The following RAB21 variants were observed in gnomAD, a reference collection of about 807,000 sequenced individuals.
RAB21 encodes the protein ras-related protein Rab-21.
Under a neutral mutation model 33.1 loss-of-function variants are expected in RAB21, and 13 were observed. The observed-to-expected ratio is 0.39, with a 90% CI of 0.26 to 0.62. The LOEUF is 0.62. RAB21 is among the 20% of genes least tolerant of loss of function. RAB21 has a pLI of 0.48. For missense variants in RAB21, 234 were observed against 279.1 expected (o/e 0.84, Z 1.15); for synonymous variants, 91 against 103.7 (o/e 0.88, Z 0.74).
At chr12:71,770,804 A>C in intron 3 of RAB21, 105 bp downstream of exon 3, 1 of 768,154 alleles carries the variant, frequency 1.3e-6, no homozygotes, top group Non-Finnish European at 2.1e-6. Context: ...TTTTAAAAAT[A>C]AAGTATATAA....
intron 1 of RAB21, among the ~76,000 whole-genome samples, chr12:71,768,932 C>CGT (rs60960317): frequency 2.4e-4 from 36 of 151,532 alleles, no homozygotes; most frequent in Middle Eastern, 3.5e-3. Context: ...GTATACTTGA[C>CGT]GTGTGTGTGT....
Position 71,782,023 on chromosome 12 carries a change from C to A in RAB21, c.392-8C>A. On this transcript the variant is annotated splice_polypyrimidine_tract_variant and splice_region_variant and intron_variant, in intron 4 of 6. Transcript: ENST00000261263. The stretch of plus-strand genomic sequence containing the variant: ...TATAAAGATAAATATTTACTTTTTT[C>A]AAAATAGGTAATAAAATAGACTTGG... The A allele has an allele frequency of 1.3e-6, 2 of 1,580,460 alleles. No homozygotes were observed. Among genetic ancestry groups the A allele is most frequent in the Non-Finnish European group, 1.7e-6 (2 of 1,153,062 alleles).
rs891224567 is a variant in RAB21 at position 71,755,099 on chromosome 12, A to C, written c.-31A>C. The C allele has an allele frequency of 9.0e-7, 1 of 1,107,372 alleles. No homozygotes were observed. The highest frequency in any genetic ancestry group is 1.7e-5 in the African/African-American group (1 of 59,600). The allele number at this position is 1,107,372 out of a possible 1,614,324, so 68.6% of individuals were successfully genotyped here. A position where few individuals can be genotyped will look rare whatever the true frequency, so the allele number is the denominator to read the frequency against. ...GCGGCTGTCGGGAGGGCGGCGCGAC[A>C]CTCGGGCTCGGGCGGCCGGGAAGCG... On this transcript the variant is annotated 5_prime_UTR_variant, in exon 1 of 7. Transcript: ENST00000261263.
intron 6 of RAB21, among the ~76,000 whole-genome samples, chr12:71,783,047 G>T (rs950606693): frequency 6.6e-6 from 1 of 152,070 alleles, no homozygotes; most frequent in African/African-American, 2.4e-5. Context: ...TGTGAAACAA[G>T]ATATTTGATG....
chr12:71,770,181 C>A (rs1883021554), intron 2 of RAB21, among the ~76,000 whole-genome samples: 1 of 152,094 alleles, frequency 6.6e-6, no homozygotes, highest in Admixed American at 6.6e-5. Flanking sequence ...GAGGATAATG[C>A]AGCAGATACT....
chr12:71,757,665 C>A (rs1460217665), intron 1 of RAB21, among the ~76,000 whole-genome samples: 1 of 152,172 alleles, frequency 6.6e-6, no homozygotes, highest in African/African-American at 2.4e-5. Flanking sequence ...TCTTTCTTAA[C>A]AATTTTTCAG....
intron 4 of RAB21, among the ~76,000 whole-genome samples, chr12:71,780,996 C>T (rs1480705057): frequency 6.6e-6 from 1 of 152,126 alleles, no homozygotes; most frequent in Non-Finnish European, 1.5e-5. Flanking sequence ...GCCAACTCAT[C>T]TTAAGTTCAA....
chr12:71,784,512 T>A (rs1592650944), intron 6 of RAB21, among the ~76,000 whole-genome samples: 2 of 150,702 alleles, frequency 1.3e-5, no homozygotes, highest in Non-Finnish European at 2.9e-5. Flanking sequence ...TGGGTTAAGG[T>A]TGATTTTTTT....
At chr12:71,765,666 A>G (rs764214969) in intron 1 of RAB21, among the ~76,000 whole-genome samples, 1 of 152,062 alleles carries the variant, frequency 6.6e-6, no homozygotes. Flanking sequence ...ATTCTTCTAC[A>G]TGTGGCTTGC....
Position 71,787,620 on chromosome 12 carries a change from ATGT to A in RAB21, c.*1950_*1952del, listed in dbSNP as rs1883314559. The A allele has an allele frequency of 1.3e-5, 2 of 152,166 alleles. No individual in the cohort carries two copies. Among genetic ancestry groups the A allele is most frequent in the Non-Finnish European group, 2.9e-5 (2 of 68,034 alleles). 9.4% of individuals were successfully genotyped at this position (152,166 alleles called of 1,614,324 possible). On this transcript the variant is annotated 3_prime_UTR_variant, in exon 7 of 7. Transcript: ENST00000261263. Reference sequence around the variant, plus strand: ...AATGAATTGACACCCTGATGTTATGATGTTGGAATTTTAACTTAAACTGGGAGG... The same window carrying A: ...AATGAATTGACACCCTGATGTTATGATGGAATTTTAACTTAAACTGGGAGG...
intron 4 of RAB21, among the ~76,000 whole-genome samples, chr12:71,779,226 A>T (rs1032657885): frequency 6.6e-6 from 1 of 152,156 alleles, no homozygotes; most frequent in Non-Finnish European, 1.5e-5. Context: ...TAGGGAGACC[A>T]AGGTGGGCAG....
Position 71,789,650 on chromosome 12 carries a change from A to G in RAB21, c.*3977A>G, listed in dbSNP as rs1000386304. ...ATATAAACTGAGTAGATCCCTAAGT[A>G]CTCTTCTCTAAATTATAAAATGCAT... is the stretch of plus-strand genomic sequence containing the variant. On this transcript the variant is annotated 3_prime_UTR_variant, in exon 7 of 7. Coordinates refer to ENST00000261263, the MANE Select transcript of RAB21 (RefSeq NM_014999.4). 7 of 152,068 alleles carry G rather than the reference A, an allele frequency of 4.6e-5. No individual in the cohort carries two copies. Among genetic ancestry groups the G allele is most frequent in the South Asian group, 2.1e-4 (1 of 4,832 alleles). 9.4% of individuals were successfully genotyped at this position (152,068 alleles called of 1,614,324 possible).
At position 71,799,145 on chromosome 12, in the gene RAB21, T is replaced by C. The variant is rs1883505001; in HGVS notation, c.*13472T>C. ...AACCCCTAGATTGTGGTGTTACATCTTCTTTCTCCAGCTTCCCAGGAGTGA... is the reference window on the plus strand; with the variant it reads ...AACCCCTAGATTGTGGTGTTACATCCTCTTTCTCCAGCTTCCCAGGAGTGA... On this transcript the variant is annotated 3_prime_UTR_variant, in exon 7 of 7. Transcript: ENST00000261263. 6.6e-6 allele frequency: 1 copy of C among 152,292 alleles called. No homozygotes were observed. The allele number at this position is 152,292 out of a possible 1,614,324, so 9.4% of individuals were successfully genotyped here.
At chr12:71,762,677 G>A (rs374792676) in intron 1 of RAB21, among the ~76,000 whole-genome samples, 1 of 151,928 alleles carries the variant, frequency 6.6e-6, no homozygotes, top group Admixed American at 6.5e-5. Flanking sequence ...CTGCCCCGTG[G>A]ATTCAAGCAA....
intron 4 of RAB21, among the ~76,000 whole-genome samples, chr12:71,774,618 G>A (rs952606441): frequency 2.0e-5 from 3 of 151,988 alleles, no homozygotes; most frequent in Non-Finnish European, 2.9e-5. Context: ...ATAGCTGGGC[G>A]TGGTGGCGGG....
intron 1 of RAB21, among the ~76,000 whole-genome samples, chr12:71,763,061 G>C (rs1475272201): frequency 6.6e-6 from 1 of 150,384 alleles, no homozygotes; most frequent in Non-Finnish European, 1.5e-5. Context: ...ACTTAAGCCT[G>C]CACCAGTGTT....
chr12:71,766,910 G>A (rs554066861), intron 1 of RAB21, among the ~76,000 whole-genome samples: 7 of 152,312 alleles, frequency 4.6e-5, no homozygotes, highest in African/African-American at 1.7e-4. Flanking sequence ...CGTTGTGGAA[G>A]TCTTTGGATA....
chr12:71,784,140 C>G (rs1052622973), intron 6 of RAB21, among the ~76,000 whole-genome samples: 11 of 152,170 alleles, frequency 7.2e-5, no homozygotes, highest in African/African-American at 2.4e-4. Flanking sequence ...AACCATTAAT[C>G]AAGAGCAGTC....
intron 1 of RAB21, among the ~76,000 whole-genome samples, chr12:71,763,637 A>G: frequency 6.6e-6 from 1 of 152,208 alleles, no homozygotes; most frequent in Middle Eastern, 3.2e-3. Context: ...ACTAAAGCAT[A>G]GAAGGTGAAA....
Sources: gnomAD v4.1 joint callset for allele counts (sites outside exome capture counted in the v4.1 genomes callset) on GRCh38, gnomAD v4.1.1 for gene constraint, MANE v1.5 for transcripts, NCBI Gene and HGNC (gene_info 2026-07-23, HGNC 2026-07-21) for gene names.